The following LIMCH1 variants were observed in gnomAD, a reference collection of about 807,000 sequenced individuals.
LIMCH1 encodes the protein LIM and calponin homology domains 1.
LIMCH1 carries 113 observed loss-of-function variants against 176.5 expected under a neutral mutation model. That is an observed-to-expected ratio of 0.64 (90% confidence interval 0.55 to 0.75). The LOEUF (loss-of-function observed/expected upper bound fraction) is 0.75. LIMCH1 is among the 30% of genes least tolerant of loss of function. The probability of loss-of-function intolerance (pLI) is 0.00; values close to 1 mark genes in which losing one functional copy is unlikely to be tolerated. For missense variants in LIMCH1, 1,674 were observed against 1,814.9 expected, an observed-to-expected ratio of 0.92 and a Z score of 1.41; for synonymous variants, 619 against 645.9, an observed-to-expected ratio of 0.96 and a Z score of 0.63.
At chr4:41,661,928 C>A in intron 19 of LIMCH1, 1 of 411,628 alleles carries the variant, frequency 2.4e-6, no homozygotes, top group Admixed American at 3.3e-5. Flanking sequence ...TAAAATAGTG[C>A]CATGAATCTG....
Position 41,416,499 on chromosome 4 carries a change from A to C in LIMCH1, c.96+55563A>C, listed in dbSNP as rs1467809295. On this transcript the variant is annotated intron_variant, in intron 1 of 26. Coordinates refer to the LIMCH1 transcript ENST00000313860. ...AAACCTCATCTCTACTAAAAATACA[A>C]AAAAAAAAATTAGCTGGGTGTGGTA... Among the ~76,000 whole-genome samples, 4 of 149,016 alleles carry C rather than the reference A, an allele frequency of 2.7e-5. No homozygotes were observed. The East Asian group carries it at 7.8e-4, about 29-fold the overall frequency.
chr4:41,665,944 A>G (rs2094806692), intron 20 of LIMCH1, among the ~76,000 whole-genome samples: 1 of 152,246 alleles, frequency 6.6e-6, no homozygotes, highest in Non-Finnish European at 1.5e-5. Flanking sequence ...ATTTACAAGT[A>G]GTAACAAGTA....
chr4:41,500,795 A>G (rs1323953122), intron 2 of LIMCH1, among the ~76,000 whole-genome samples: 1 of 152,198 alleles, frequency 6.6e-6, no homozygotes, highest in African/African-American at 2.4e-5. Context: ...AGGGCCTGGT[A>G]GTCCCACTTG....
intron 21 of LIMCH1, among the ~76,000 whole-genome samples, chr4:41,670,146 G>A (rs1038515675): frequency 2.0e-5 from 3 of 152,158 alleles, no homozygotes; most frequent in African/African-American, 4.8e-5. Context: ...TAAAATATGT[G>A]CGCATTAAAA....
At chr4:41,553,781 T>C (rs1360454261) in intron 1 of LIMCH1, among the ~76,000 whole-genome samples, 1 of 152,172 alleles carries the variant, frequency 6.6e-6, no homozygotes, top group Admixed American at 6.5e-5. Flanking sequence ...TCTTCCCTCT[T>C]GGATCCAGGG....
chr4:41,633,823 C>T lies in LIMCH1; in HGVS notation c.2090+15C>T. ...AAAGATCAGAGGTCAGAAAGTTATTCTGTGCCCTTGTGACTTTGTTTCTCC... is the reference window on the plus strand; with the variant it reads ...AAAGATCAGAGGTCAGAAAGTTATTTTGTGCCCTTGTGACTTTGTTTCTCC... On this transcript the variant is annotated intron_variant, in intron 13 of 31. Transcript: ENST00000503057. The T allele has an allele frequency of 2.0e-6, 3 of 1,533,472 alleles. No individual in the cohort carries two copies. The highest frequency in any genetic ancestry group is 2.6e-6 in the Non-Finnish European group (3 of 1,144,816). The allele number at this position is 1,533,472 out of a possible 1,614,324, so 95.0% of individuals were successfully genotyped here.
chr4:41,649,193 A>T (rs2094189872), intron 17 of LIMCH1, among the ~76,000 whole-genome samples: 1 of 152,210 alleles, frequency 6.6e-6, no homozygotes, highest in African/African-American at 2.4e-5. Context: ...TGAGACCAGG[A>T]GTTCGAGACC....
intron 13 of LIMCH1, among the ~76,000 whole-genome samples, chr4:41,635,427 T>C (rs1403717898): frequency 2.0e-5 from 3 of 152,096 alleles, no homozygotes; most frequent in Non-Finnish European, 4.4e-5. Flanking sequence ...GGGGTTTCGC[T>C]GTGTTGGCCA....
intron 1 of LIMCH1, among the ~76,000 whole-genome samples, chr4:41,459,283 TTCCC>T (rs1468715524): frequency 6.6e-6 from 1 of 151,990 alleles, no homozygotes; most frequent in African/African-American, 2.4e-5. Flanking sequence ...CCTTCCTTCC[TTCCC>T]TCCCTCCCTC....
chr4:41,665,636 A>T (rs1001419533), intron 20 of LIMCH1, among the ~76,000 whole-genome samples: 7 of 152,162 alleles, frequency 4.6e-5, no homozygotes, highest in Non-Finnish European at 1.0e-4. Flanking sequence ...CACCAGCCAA[A>T]GAGTGAATCA....
At chr4:41,469,727 G>A (rs1033604806) in intron 1 of LIMCH1, among the ~76,000 whole-genome samples, 2 of 146,044 alleles carry the variant, frequency 1.4e-5, no homozygotes, top group Non-Finnish European at 3.0e-5. Flanking sequence ...TGTCGCCCAG[G>A]CTGGACTGCA....
intron 2 of LIMCH1, among the ~76,000 whole-genome samples, chr4:41,497,319 A>G (rs75713510): frequency 2.6e-5 from 2 of 78,332 alleles, no homozygotes; most frequent in African/African-American, 1.1e-4. Context: ...GAGTCTAAAG[A>G]AAAAAAAAAA....
chr4:41,646,326 T>TG (rs1208163019), intron 16 of LIMCH1, 46 bp downstream of exon 16: 10 of 1,532,332 alleles, frequency 6.5e-6, no homozygotes, highest in Non-Finnish European at 8.8e-6. Flanking sequence ...ATTATCTAGG[T>TG]GTTTTTTTTT....
intron 1 of LIMCH1, among the ~76,000 whole-genome samples, chr4:41,384,351 C>A (rs2056174828): frequency 6.6e-6 from 1 of 151,912 alleles, no homozygotes; most frequent in African/African-American, 2.4e-5. Context: ...ACTACAGGTG[C>A]CTGCCACCAC....
intron 3 of LIMCH1, among the ~76,000 whole-genome samples, chr4:41,531,474 T>TCTCACA (rs777097315): frequency 3.0e-4 from 38 of 126,984 alleles, no homozygotes; most frequent in Non-Finnish European, 5.1e-4. Flanking sequence ...TCTTTCTCTG[T>TCTCACA]CACACACACA....
intron 5 of LIMCH1, among the ~76,000 whole-genome samples, chr4:41,615,905 G>A (rs1371477640): frequency 6.6e-6 from 1 of 152,142 alleles, no homozygotes; most frequent in Admixed American, 6.5e-5. Context: ...ATACTCATGA[G>A]AAGCATCATG....
At chr4:41,429,908 T>C (rs2061444648) in intron 1 of LIMCH1, among the ~76,000 whole-genome samples, 1 of 152,174 alleles carries the variant, frequency 6.6e-6, no homozygotes, top group Non-Finnish European at 1.5e-5. Flanking sequence ...CACTGTCTTG[T>C]GGGATTTGGC....
chr4:41,494,732 T>C (rs2071762698), intron 2 of LIMCH1: 3 of 642,620 alleles, frequency 4.7e-6, no homozygotes, highest in Non-Finnish European at 7.9e-6. Flanking sequence ...ACTCAAAAAA[T>C]CCCTGGGCTA....
At chr4:41,477,895 A>G (rs1392389494) in intron 1 of LIMCH1, among the ~76,000 whole-genome samples, 1 of 152,192 alleles carries the variant, frequency 6.6e-6, no homozygotes, top group African/African-American at 2.4e-5. Flanking sequence ...TATACCATGA[A>G]GTAGGCATGT....
Sources: allele counts gnomAD v4.1 joint callset (sites outside exome capture counted in the v4.1 genomes callset), GRCh38; gene constraint gnomAD v4.1.1; transcripts MANE v1.5; gene names NCBI Gene and HGNC (gene_info 2026-07-23, HGNC 2026-07-21).